Variants in TENM3 observed in about 807,000 individuals in gnomAD.
TENM3 encodes teneurin-3.
Under a neutral mutation model 255.1 loss-of-function variants are expected in TENM3, and 63 were observed. The observed-to-expected ratio is 0.25, with a 90% CI of 0.20 to 0.30. TENM3 has a LOEUF of 0.30. Ranked by LOEUF, TENM3 falls within the 10% of genes least tolerant of loss-of-function variation. TENM3 has a pLI of 1.00. For synonymous variants in TENM3, 1,306 were observed against 1,322.3 expected, an observed-to-expected ratio of 0.99 and a Z score of 0.27; for missense variants, 2,929 against 3,461.1, an observed-to-expected ratio of 0.85 and a Z score of 3.86.
the TENM3 span, among the ~76,000 whole-genome samples, chr4:181,988,792 A>AT: frequency 1.1e-4 from 16 of 148,572 alleles, no homozygotes; most frequent in Admixed American, 2.7e-4. Flanking sequence ...GCCTGCTCTT[A>AT]TTTTTTTTTT....
the TENM3 span, among the ~76,000 whole-genome samples, chr4:181,517,674 A>G: frequency 1.4e-4 from 21 of 152,154 alleles, no homozygotes; most frequent in Non-Finnish European, 3.1e-4. Context: ...CTTCACAACT[A>G]TTTCATAATA....
At chr4:181,550,150 CT>C in the TENM3 span, among the ~76,000 whole-genome samples, 4 of 152,118 alleles carry the variant, frequency 2.6e-5, no homozygotes, top group Admixed American at 2.0e-4. Context: ...CACAAAATGT[CT>C]TTTCATAAAG....
intron 1 of TENM3, among the ~76,000 whole-genome samples, chr4:182,268,536 C>T (rs1466235589): frequency 6.6e-6 from 1 of 152,100 alleles, no homozygotes; most frequent in African/African-American, 2.4e-5. Flanking sequence ...ATGAGTCTAA[C>T]CTACTGGGCT....
intron 1 of TENM3, among the ~76,000 whole-genome samples, chr4:182,294,980 A>T (rs1253848549): frequency 7.1e-6 from 1 of 141,692 alleles, no homozygotes; most frequent in Non-Finnish European, 1.5e-5. Context: ...GGTGCATTTA[A>T]TGGCCCATAA....
At chr4:181,888,306 C>T in the TENM3 span, among the ~76,000 whole-genome samples, 1 of 151,430 alleles carries the variant, frequency 6.6e-6, no homozygotes, top group Non-Finnish European at 1.5e-5. Context: ...GCTAGGGTTA[C>T]AGGCATGAGC....
At chr4:182,444,556 T>C (rs1185977759) in intron 3 of TENM3, among the ~76,000 whole-genome samples, 1 of 152,182 alleles carries the variant, frequency 6.6e-6, no homozygotes, top group African/African-American at 2.4e-5. Context: ...TTGTTAGCCA[T>C]TTTTTTCCTC....
the TENM3 span, among the ~76,000 whole-genome samples, chr4:181,595,229 G>A: frequency 1.3e-5 from 2 of 151,998 alleles, no homozygotes; most frequent in African/African-American, 2.4e-5. Flanking sequence ...TCAGGAGTTC[G>A]AGATCAGCCT....
chr4:181,783,355 A>G, the TENM3 span, among the ~76,000 whole-genome samples: 3 of 152,184 alleles, frequency 2.0e-5, no homozygotes, highest in Admixed American at 6.5e-5. Context: ...GCCTGTCTCT[A>G]TCTTTCTCCT....
chr4:181,699,735 C>T, the TENM3 span, among the ~76,000 whole-genome samples: 1 of 152,112 alleles, frequency 6.6e-6, no homozygotes, highest in Non-Finnish European at 1.5e-5. Context: ...CAAAACAAAT[C>T]TGTACAGAAA....
chr4:182,009,738 C>T, the TENM3 span, among the ~76,000 whole-genome samples: 3 of 152,182 alleles, frequency 2.0e-5, no homozygotes, highest in Non-Finnish European at 4.4e-5. Flanking sequence ...TGCTGGTTGC[C>T]CCTCCCCCTG....
At chr4:182,667,688 G>A (rs1754818217) in intron 6 of TENM3, among the ~76,000 whole-genome samples, 1 of 151,752 alleles carries the variant, frequency 6.6e-6, no homozygotes, top group South Asian at 2.1e-4. Flanking sequence ...CCTTATTGCT[G>A]TGTTCTTGGT....
the TENM3 span, among the ~76,000 whole-genome samples, chr4:182,038,039 C>T: frequency 2.0e-5 from 3 of 152,086 alleles, no homozygotes; most frequent in Admixed American, 1.3e-4. Context: ...AAACAAACAC[C>T]TCTCATTATA....
intron 1 of TENM3, among the ~76,000 whole-genome samples, chr4:182,212,054 A>G (rs1251750195): frequency 6.6e-6 from 1 of 152,228 alleles, no homozygotes; most frequent in Non-Finnish European, 1.5e-5. Flanking sequence ...GCAAAAGCCT[A>G]TCCATATTTT....
intron 1 of TENM3, among the ~76,000 whole-genome samples, chr4:182,191,343 C>T (rs1228628139): frequency 6.6e-6 from 1 of 152,076 alleles, no homozygotes; most frequent in African/African-American, 2.4e-5. Flanking sequence ...ATCTGTGTGC[C>T]TCCCACTCTT....
At chr4:182,028,464 A>G in the TENM3 span, among the ~76,000 whole-genome samples, 6 of 151,846 alleles carry the variant, frequency 4.0e-5, no homozygotes, top group African/African-American at 1.5e-4. Flanking sequence ...AATCTCATTT[A>G]TTATTTATTT....
chr4:182,713,249 C>T (rs1440389645), intron 12 of TENM3, among the ~76,000 whole-genome samples: 1 of 152,200 alleles, frequency 6.6e-6, no homozygotes, highest in African/African-American at 2.4e-5. Flanking sequence ...TGAAGCACGT[C>T]ACTACCGTGT....
rs146130657 is a variant in TENM3 at position 182,298,187 on chromosome 4, T to C, written c.-75-25759T>C. 9.3e-3 allele frequency among the ~76,000 whole-genome samples: 1,422 copies of C among 152,362 alleles called. 21 individuals carry two copies. The highest frequency in any genetic ancestry group is 0.033 in the African/African-American group (1,374 of 41,584). Reference sequence around the variant, plus strand: ...GTATTTGATTATTTATTTTGTTGTCTGTTTCCCCCACTGAACTAAAAGCTG... The same window carrying C: ...GTATTTGATTATTTATTTTGTTGTCCGTTTCCCCCACTGAACTAAAAGCTG... On this transcript the variant is annotated intron_variant, in intron 1 of 27. Transcript: ENST00000511685.
intron 1 of TENM3, among the ~76,000 whole-genome samples, chr4:182,260,778 C>T (rs2150158254): frequency 6.6e-6 from 1 of 152,300 alleles, no homozygotes; most frequent in South Asian, 2.1e-4. Flanking sequence ...TCATATAATA[C>T]TGACAACTAT....
chr4:181,920,091 C>T, the TENM3 span, among the ~76,000 whole-genome samples: 1 of 151,990 alleles, frequency 6.6e-6, no homozygotes, highest in South Asian at 2.1e-4. Flanking sequence ...GCATAGTATT[C>T]CATGGTGTAT....
Sources: allele counts gnomAD v4.1 joint callset (sites outside exome capture counted in the v4.1 genomes callset), GRCh38; gene constraint gnomAD v4.1.1; transcripts MANE v1.5; gene names NCBI Gene and HGNC (gene_info 2026-07-23, HGNC 2026-07-21).